The following CCDC93 variants were observed in gnomAD, a reference collection of about 807,000 sequenced individuals.
The protein encoded by CCDC93 is CCC complex scaffolding subunit CCDC93.
Under a neutral mutation model 108.2 loss-of-function variants are expected in CCDC93, and 61 were observed. The observed-to-expected ratio is 0.56, with a 90% CI of 0.46 to 0.70. CCDC93 has a LOEUF of 0.70. Ranked by LOEUF, CCDC93 falls within the 30% of genes least tolerant of loss-of-function variation. The pLI is 0.00. For missense variants in CCDC93, 685 were observed against 764.2 expected (o/e 0.90, Z 1.22); for synonymous variants, 276 against 260.4 (o/e 1.06, Z -0.58).
At chr2:117,939,912 T>C (rs1233860032) in intron 19 of CCDC93, among the ~76,000 whole-genome samples, 1 of 152,152 alleles carries the variant, frequency 6.6e-6, no homozygotes, top group Non-Finnish European at 1.5e-5. Context: ...GGGGTGAAGC[T>C]GGGTGAAGTG....
intron 2 of CCDC93, 58 bp downstream of exon 2, chr2:118,008,487 G>A: frequency 4.1e-6 from 4 of 965,718 alleles, no homozygotes; most frequent in Non-Finnish European, 6.5e-6. Context: ...TCTTTGCCAT[G>A]ATTAACCATG....
intron 17 of CCDC93, chr2:117,944,605 G>A: frequency 2.5e-6 from 1 of 401,248 alleles, no homozygotes; most frequent in Admixed American, 3.0e-5. Context: ...ATGAGACATG[G>A]CTGGATGAGA....
intron 1 of CCDC93, among the ~76,000 whole-genome samples, chr2:118,010,103 G>GTTTT (rs1553460610): frequency 1.4e-4 from 12 of 88,624 alleles, no homozygotes; most frequent in South Asian, 8.6e-4. Context: ...CACCACGCCC[G>GTTTT]TTTTTTTGTT....
At chr2:117,945,396 G>T in intron 17 of CCDC93, 133 bp downstream of exon 17, 1 of 697,440 alleles carries the variant, frequency 1.4e-6, no homozygotes. Flanking sequence ...ACAGGACAAT[G>T]CCCTGGAACG....
intron 18 of CCDC93, among the ~76,000 whole-genome samples, chr2:117,942,673 G>C (rs1678738829): frequency 6.6e-6 from 1 of 152,126 alleles, no homozygotes; most frequent in Non-Finnish European, 1.5e-5. Flanking sequence ...GTTTTGCTCT[G>C]CCTATCCTCA....
intron 22 of CCDC93, chr2:117,935,075 C>T (rs1037891626): frequency 3.3e-5 from 5 of 153,170 alleles, no homozygotes; most frequent in African/African-American, 1.2e-4. Flanking sequence ...CCTAAGATTC[C>T]TAAGGAATGA....
intron 17 of CCDC93, 61 bp from the exon 18 acceptor site, chr2:117,944,147 T>G (rs1558775435): frequency 8.4e-7 from 1 of 1,196,558 alleles, no homozygotes; most frequent in Non-Finnish European, 1.2e-6. Context: ...TTTAATGGAG[T>G]CTTTGAAAGT....
intron 6 of CCDC93, among the ~76,000 whole-genome samples, chr2:117,987,737 T>A (rs1680361995): frequency 6.6e-6 from 1 of 152,222 alleles, no homozygotes; most frequent in African/African-American, 2.4e-5. Context: ...AAATGTAGTC[T>A]GAGATTAATA....
intron 17 of CCDC93, chr2:117,944,720 C>T (rs1288855122): frequency 4.2e-6 from 2 of 471,136 alleles, no homozygotes; most frequent in Non-Finnish European, 8.8e-6. Flanking sequence ...ACACACCCCC[C>T]TACCCAACGC....
intron 6 of CCDC93, among the ~76,000 whole-genome samples, chr2:117,993,729 GTT>G (rs1425952665): frequency 1.3e-5 from 2 of 152,166 alleles, no homozygotes; most frequent in Admixed American, 6.5e-5. Context: ...TCTTTGTTGT[GTT>G]TTTGTTTTTG....
chr2:117,998,862 G>A (rs1179389207), intron 4 of CCDC93: 1 of 152,160 alleles, frequency 6.6e-6, no homozygotes, highest in South Asian at 2.1e-4. Context: ...AAAATGATCA[G>A]GTAGTGTCCC....
At position 117,948,127 on chromosome 2, in the gene CCDC93, T is replaced by C. The variant is rs1678936578; in HGVS notation, c.1202A>G (p.Gln401Arg). 6.8e-6 allele frequency: 11 copies of C among 1,613,828 alleles called. No homozygotes were observed. Among genetic ancestry groups the C allele is most frequent in the East Asian group, 2.2e-5 (1 of 44,892 alleles). Residue 401 changes from glutamine to arginine, a missense_variant, in exon 15 of 24, where the codon CAG becomes CGG. By Grantham distance (43) the Gln-to-Arg change is conservative (BLOSUM62 1). Transcript: ENST00000376300. ...AMNENLKSQEQEFKAHCREEM... is the reference protein window; with the variant it reads ...AMNENLKSQEREFKAHCREEM... ...TACTCGACAATGTGCTTTAAATTCC[T>C]GTTCTTGACTTTTCAGATTTTCATT...
In CCDC93 at chr2:117,996,289, A is replaced by T. The variant is rs763029252; in HGVS notation, c.437T>A (p.Phe146Tyr). 6.2e-7 allele frequency: 1 copy of T among 1,612,834 alleles called. No homozygotes were observed. The highest frequency in any genetic ancestry group is 8.5e-7 in the Non-Finnish European group (1 of 1,178,876). The change falls in exon 5 of 24, where the codon TTC becomes TAC. Residue 146 changes from phenylalanine to tyrosine, a missense_variant. Coordinates refer to ENST00000376300, the MANE Select transcript of CCDC93 (RefSeq NM_019044.5). ...CTCAGGGAGACTGTAAGTCTTCTGG[A>T]ACTGGGATACAGAGTAGGAGCGGAT... ...DYIRSYSVSQFQKTYSLPEDD... is the reference protein window; with the variant it reads ...DYIRSYSVSQYQKTYSLPEDD...
intron 6 of CCDC93, 146 bp downstream of exon 6, chr2:117,995,300 G>A (rs918240764): frequency 6.7e-5 from 47 of 697,770 alleles, no homozygotes; most frequent in Admixed American, 1.1e-4. Flanking sequence ...TAAAGCAGGC[G>A]GGGCTTCCCT....
intron 15 of CCDC93, among the ~76,000 whole-genome samples, chr2:117,947,619 G>A (rs1308169606): frequency 6.6e-6 from 1 of 151,576 alleles, no homozygotes; most frequent in Non-Finnish European, 1.5e-5. Context: ...TTGTTTTGGG[G>A]TTTGGCACAA....
chr2:118,005,345 C>A (rs577771466), intron 3 of CCDC93, among the ~76,000 whole-genome samples: 1 of 152,198 alleles, frequency 6.6e-6, no homozygotes, highest in Non-Finnish European at 1.5e-5. Flanking sequence ...AGAAAAAATG[C>A]AATGAAAAGA....
At chr2:117,922,747 G>A (rs962948272) in intron 23 of CCDC93, among the ~76,000 whole-genome samples, 2 of 152,162 alleles carry the variant, frequency 1.3e-5, no homozygotes, top group Admixed American at 6.5e-5. Flanking sequence ...TGGTGAGAAG[G>A]CAAAATAGAG....
At chr2:117,923,515 T>C (rs1201431527) in intron 23 of CCDC93, among the ~76,000 whole-genome samples, 1 of 152,204 alleles carries the variant, frequency 6.6e-6, no homozygotes, top group African/African-American at 2.4e-5. Flanking sequence ...GCTTCACTCA[T>C]TGCTACCACA....
intron 21 of CCDC93, among the ~76,000 whole-genome samples, chr2:117,936,189 T>C (rs1160027251): frequency 6.6e-6 from 1 of 152,074 alleles, no homozygotes; most frequent in Non-Finnish European, 1.5e-5. Flanking sequence ...AAGGGAAGCA[T>C]GCTCTCCAAG....
Sources: allele counts gnomAD v4.1 joint callset (sites outside exome capture counted in the v4.1 genomes callset), GRCh38; gene constraint gnomAD v4.1.1; transcripts MANE v1.5; gene names NCBI Gene and HGNC (gene_info 2026-07-23, HGNC 2026-07-21).